USP25: variants seen among roughly 807,000 people sequenced by gnomAD.
USP25 encodes the protein ubiquitin carboxyl-terminal hydrolase 25.
Under a neutral mutation model 158.5 loss-of-function variants are expected in USP25, and 85 were observed. That is an observed-to-expected ratio of 0.54 (90% CI 0.45 to 0.64). The LOEUF is 0.64. Among genes scored for constraint, USP25 ranks in the 30% least tolerant of loss-of-function variants. The pLI, the probability that USP25 is intolerant of heterozygous loss-of-function variation, is 0.00. For synonymous variants in USP25, 464 were observed against 460.4 expected, an observed-to-expected ratio of 1.01 and a Z score of -0.10; for missense variants, 1,242 against 1,327.3, an observed-to-expected ratio of 0.94 and a Z score of 1.00.
chr21:15,752,179 T>G (rs1387528914), intron 1 of USP25, among the ~76,000 whole-genome samples: 1 of 152,112 alleles, frequency 6.6e-6, no homozygotes, highest in Non-Finnish European at 1.5e-5. Flanking sequence ...GTGATCTGCC[T>G]GCCTCGGCCT....
intron 12 of USP25, 125 bp downstream of exon 12, chr21:15,825,186 A>G: frequency 1.6e-6 from 1 of 644,754 alleles, no homozygotes; most frequent in Non-Finnish European, 2.6e-6. Context: ...TTGTGTGAAT[A>G]GTTTTGAGTT....
chr21:15,830,656 ATTTACC>A, intron 15 of USP25, 55 bp downstream of exon 15: 1 of 1,360,704 alleles, frequency 7.3e-7, no homozygotes. Context: ...ATATATTTTA[ATTTACC>A]TTTACATTAT....
rs147781955 is a variant in USP25, at chr21:15,843,533, A to G, written c.2337+993A>G. On this transcript the variant is annotated intron_variant, in intron 18 of 25. Transcript: ENST00000400183. The surrounding 1 kb of genome is among the most constrained non-coding windows in gnomAD (Gnocchi z 4.0). The stretch of plus-strand genomic sequence containing the variant: ...ATACAAATTATTTTTTGTTTGAACA[A>G]TTTTGAAAATGTATTAATATATCAT... Among the ~76,000 whole-genome samples the G allele has an allele frequency of 4.2e-3, 636 of 152,316 alleles. 3 individuals are homozygous for G. The highest frequency in any genetic ancestry group is 0.015 in the African/African-American group (605 of 41,584).
chr21:15,784,251 TACAATTAGTGGCTAAGGA>T (rs1272516519), intron 4 of USP25, among the ~76,000 whole-genome samples: 2 of 152,184 alleles, frequency 1.3e-5, no homozygotes, highest in Non-Finnish European at 2.9e-5. Flanking sequence ...TATCAACAGC[TACAATTAGTGGCTAAGGA>T]ACACATGAAA....
At chr21:15,783,883 T>C (rs1390568113) in intron 4 of USP25, among the ~76,000 whole-genome samples, 1 of 151,336 alleles carries the variant, frequency 6.6e-6, no homozygotes, top group Non-Finnish European at 1.5e-5. Context: ...GGCAGGAGAA[T>C]GGCGTGAACC....
intron 11 of USP25, 96 bp from the exon 12 acceptor site, chr21:15,824,870 C>G: frequency 2.1e-6 from 2 of 931,304 alleles, no homozygotes; most frequent in Non-Finnish European, 3.3e-6. Flanking sequence ...CCCGCCTTGG[C>G]GTCCCAGAGT....
chr21:15,827,559 G>T (rs892559131), intron 14 of USP25, among the ~76,000 whole-genome samples: 1 of 152,146 alleles, frequency 6.6e-6, no homozygotes, highest in African/African-American at 2.4e-5. Flanking sequence ...CTAAATCTAA[G>T]TTTGCACAGG....
chr21:15,767,128 A>G (rs535333546), intron 3 of USP25, among the ~76,000 whole-genome samples: 1 of 152,172 alleles, frequency 6.6e-6, no homozygotes, highest in Admixed American at 6.6e-5. Context: ...GTCTAAGTTC[A>G]AGGCAAGCTG....
chr21:15,786,857 A>C (rs1243544969), intron 4 of USP25, among the ~76,000 whole-genome samples: 1 of 152,126 alleles, frequency 6.6e-6, no homozygotes, highest in Non-Finnish European at 1.5e-5. Flanking sequence ...ATGATCTTAA[A>C]TATAGAAAGC....
At chr21:15,856,761 G>A (rs892412864) in intron 20 of USP25, among the ~76,000 whole-genome samples, 3 of 152,160 alleles carry the variant, frequency 2.0e-5, no homozygotes, top group Admixed American at 6.5e-5. Flanking sequence ...GTGAGCCACC[G>A]CACCCGGCCA....
chr21:15,755,237 A>G (rs544216023), intron 1 of USP25, among the ~76,000 whole-genome samples: 18 of 151,800 alleles, frequency 1.2e-4, no homozygotes, highest in African/African-American at 3.4e-4. Flanking sequence ...CCTTACACCT[A>G]TCCCCAAGGA....
At chr21:15,811,355 T>G (rs755155207) in intron 9 of USP25, 145 bp downstream of exon 9, 36 of 688,238 alleles carry the variant, frequency 5.2e-5, no homozygotes, top group Non-Finnish European at 6.4e-5. Flanking sequence ...GCTACTGTTA[T>G]TCACATAAAG....
chr21:15,874,380 T>C (rs1158648772), intron 23 of USP25, 23 bp from the exon 24 acceptor site: 6 of 1,575,994 alleles, frequency 3.8e-6, no homozygotes, highest in Admixed American at 1.8e-5. Flanking sequence ...ACTAATGTTA[T>C]ATGTTTCTTT....
chr21:15,877,662 T>C, intron 24 of USP25, 134 bp from the exon 25 acceptor site: 2 of 650,930 alleles, frequency 3.1e-6, no homozygotes, highest in Admixed American at 3.5e-5. Context: ...GTTGAGATTG[T>C]TTTCTCTAAA....
chr21:15,781,403 T>A (rs1484298190), intron 4 of USP25, among the ~76,000 whole-genome samples: 1 of 152,184 alleles, frequency 6.6e-6, no homozygotes, highest in East Asian at 1.9e-4. Flanking sequence ...ATTCTGTTCA[T>A]CTCATTGAAG....
At chr21:15,797,904 A>G (rs549287135) in intron 5 of USP25, among the ~76,000 whole-genome samples, 1 of 151,264 alleles carries the variant, frequency 6.6e-6, no homozygotes, top group South Asian at 2.1e-4. Flanking sequence ...CAATTGACCT[A>G]TTTTATTATT....
At chr21:15,782,896 T>C (rs960547495) in intron 4 of USP25, among the ~76,000 whole-genome samples, 5 of 152,200 alleles carry the variant, frequency 3.3e-5, no homozygotes. Context: ...GCATCTTTAG[T>C]AATGGAATCC....
intron 5 of USP25, among the ~76,000 whole-genome samples, chr21:15,798,862 G>A (rs188897442): frequency 6.6e-6 from 1 of 151,064 alleles, no homozygotes. Context: ...TCATTGATTT[G>A]TGGTGCCACC....
intron 5 of USP25, among the ~76,000 whole-genome samples, chr21:15,796,925 A>T (rs755188702): frequency 6.6e-6 from 1 of 151,542 alleles, no homozygotes; most frequent in Non-Finnish European, 1.5e-5. Flanking sequence ...AGGAATTAAA[A>T]GCAAGATTGC....
Sources: gnomAD v4.1 joint callset for allele counts (sites outside exome capture counted in the v4.1 genomes callset) on GRCh38, gnomAD v4.1.1 for gene constraint, Gnocchi (gnomAD v3.1) non-coding constraint, MANE v1.5 for transcripts, NCBI Gene and HGNC (gene_info 2026-07-23, HGNC 2026-07-21) for gene names.